FLT3: variants seen among roughly 807,000 people sequenced by gnomAD.
The protein encoded by FLT3 is fms related receptor tyrosine kinase 3, also known as receptor-type tyrosine-protein kinase FLT3.
In FLT3, 46 loss-of-function variants were observed where a neutral mutation model predicts 126.6. The ratio of observed to expected loss-of-function variants is 0.36; its 90% confidence interval spans 0.29 to 0.46. The LOEUF (loss-of-function observed/expected upper bound fraction) is 0.46, where lower values mean the gene tolerates loss of function less well. Among genes scored for constraint, FLT3 ranks in the 20% least tolerant of loss-of-function variants. FLT3 has a pLI of 1.00. For missense variants in FLT3, 1,069 were observed against 1,190.3 expected, an observed-to-expected ratio of 0.90 and a Z score of 1.50; for synonymous variants, 404 against 434.4, an observed-to-expected ratio of 0.93 and a Z score of 0.87.
chr13:28,034,027 G>C (rs2137673951), intron 14 of FLT3, 36 bp from the exon 15 acceptor site: 4 of 1,613,062 alleles, frequency 2.5e-6, no homozygotes, highest in Non-Finnish European at 3.4e-6. Flanking sequence ...GCATTTTAAA[G>C]ATTTTCCAAT....
chr13:28,028,415 A>G (rs1398161409), intron 15 of FLT3, 127 bp from the exon 16 acceptor site: 1 of 621,312 alleles, frequency 1.6e-6, no homozygotes, highest in East Asian at 2.8e-5. Flanking sequence ...TTATGAGAGA[A>G]GCCAGGCATG....
At position 28,018,593 on chromosome 13, in the gene FLT3, T is replaced by G. The variant is rs746969238; in HGVS notation, c.2419-4A>C. 1 of 1,614,028 alleles carries G rather than the reference T, an allele frequency of 6.2e-7. No homozygotes were observed. The highest frequency in any genetic ancestry group is 2.2e-5 in the East Asian group (1 of 44,880). ...CGGCCAGGTCTCTGTGAACACACTG[T>G]CAAGAATGACACCAGAGTGTTATTT... On this transcript the variant is annotated splice_region_variant and splice_polypyrimidine_tract_variant and intron_variant, in intron 19 of 23. Coordinates refer to ENST00000241453, the MANE Select transcript of FLT3 (RefSeq NM_004119.3).
chr13:28,063,695 A>AGTAAG, intron 2 of FLT3, among the ~76,000 whole-genome samples: 1 of 151,868 alleles, frequency 6.6e-6, no homozygotes, highest in East Asian at 1.9e-4. Context: ...TTGTTCACTT[A>AGTAAG]CTATGATAAG....
intron 2 of FLT3, among the ~76,000 whole-genome samples, chr13:28,066,460 G>A (rs1877047164): frequency 6.6e-6 from 1 of 152,146 alleles, no homozygotes; most frequent in Non-Finnish European, 1.5e-5. Context: ...AGATGAACCT[G>A]AACTATCTGG....
At chr13:28,068,015 G>A (rs549906894) in intron 2 of FLT3, 1 of 198,412 alleles carries the variant, frequency 5.0e-6, no homozygotes, top group African/African-American at 2.4e-5. Context: ...AACCATAGTG[G>A]AGACTTTTTG....
At chr13:28,055,436 A>C (rs539287280) in intron 4 of FLT3, among the ~76,000 whole-genome samples, 1 of 152,374 alleles carries the variant, frequency 6.6e-6, no homozygotes, top group South Asian at 2.1e-4. Flanking sequence ...ACTGAAATGA[A>C]TAAGCTTCTA....
chr13:28,063,221 G>A (rs958298716), intron 2 of FLT3, among the ~76,000 whole-genome samples: 2 of 152,180 alleles, frequency 1.3e-5, no homozygotes, highest in Non-Finnish European at 2.9e-5. Context: ...GCTCACGCCT[G>A]TAATTCCAGC....
At chr13:28,085,774 A>ATT (rs200900228) in intron 1 of FLT3, among the ~76,000 whole-genome samples, 32 of 150,764 alleles carry the variant, frequency 2.1e-4, no homozygotes, top group African/African-American at 7.9e-4. Context: ...TTAGAATGGG[A>ATT]TTTTTTTCCC....
At chr13:28,014,173 G>A (rs368365727) in intron 23 of FLT3, among the ~76,000 whole-genome samples, 50 of 152,224 alleles carry the variant, frequency 3.3e-4, no homozygotes, top group Non-Finnish European at 4.6e-4. Flanking sequence ...TTGGAAGGCC[G>A]TGGCTGGAGG....
chr13:28,048,207 C>T, intron 9 of FLT3, 68 bp downstream of exon 9: 1 of 1,294,252 alleles, frequency 7.7e-7, no homozygotes, highest in Non-Finnish European at 1.1e-6. Flanking sequence ...TAAAACTGTC[C>T]TTCTCAAGGG....
chr13:28,003,691 A>G lies in FLT3; in HGVS notation c.*361T>C, dbSNP rs998482418. On this transcript the variant is annotated 3_prime_UTR_variant, in exon 24 of 24. Coordinates refer to ENST00000241453, the MANE Select transcript of FLT3 (RefSeq NM_004119.3). ...AAAAATTTACATATTATTTTAAAAC[A>G]TAGACTTAAAAAATCATATTAGCTT... 23 of 263,380 alleles carry G rather than the reference A, an allele frequency of 8.7e-5. No individual in the cohort carries two copies. The highest frequency in any genetic ancestry group is 1.1e-3 in the Middle Eastern group (1 of 902). 16.3% of individuals were successfully genotyped at this position (263,380 alleles called of 1,614,324 possible).
intron 5 of FLT3, among the ~76,000 whole-genome samples, chr13:28,051,357 CT>C (rs1352236198): frequency 6.6e-6 from 1 of 151,440 alleles, no homozygotes; most frequent in African/African-American, 2.4e-5. Context: ...CTTCCTCAGC[CT>C]CCTGAGTAGC....
chr13:28,057,573 C>G, intron 3 of FLT3, 111 bp from the exon 4 acceptor site: 1 of 654,792 alleles, frequency 1.5e-6, no homozygotes, highest in Non-Finnish European at 2.8e-6. Context: ...CCGACTGGCA[C>G]GGAAGCCGCT....
chr13:28,028,615 T>A (rs1161868561), intron 15 of FLT3, among the ~76,000 whole-genome samples: 1 of 152,050 alleles, frequency 6.6e-6, no homozygotes, highest in Non-Finnish European at 1.5e-5. Context: ...GAGAATCGCT[T>A]GAATGTGGGA....
In FLT3 at chr13:28,100,475, C is replaced by T. The variant is rs536837435; in HGVS notation, c.36G>A (p.Pro12=). Residue 12 remains proline (P), a synonymous_variant, in exon 1 of 24, where the codon CCG becomes CCA. Coordinates refer to ENST00000241453, the MANE Select transcript of FLT3 (RefSeq NM_004119.3). The surrounding 1 kb of genome is among the most constrained non-coding windows in gnomAD (Gnocchi z 4.8). Reference sequence around the variant, plus strand: ...GAGCGAGCGGGGCCTTACCGAGCAGCGGCAGCTGGCCGCCGTCGCGCGCCA... The same window carrying T: ...GAGCGAGCGGGGCCTTACCGAGCAGTGGCAGCTGGCCGCCGTCGCGCGCCA... ...PALARDGGQL[P]LLVVFSAMIF... 99 of 1,217,492 alleles carry T rather than the reference C, an allele frequency of 8.1e-5. No homozygotes were observed. Among genetic ancestry groups the T allele is most frequent in the Non-Finnish European group, 1.0e-4 (98 of 978,926 alleles). 75.4% of individuals were successfully genotyped at this position (1,217,492 alleles called of 1,614,324 possible).
chr13:28,004,330 G>C (rs1305010676), intron 23 of FLT3, among the ~76,000 whole-genome samples, 156 bp from the exon 24 acceptor site: 1 of 152,134 alleles, frequency 6.6e-6, no homozygotes, highest in Non-Finnish European at 1.5e-5. Flanking sequence ...TTTTGAGACA[G>C]AGTCTCGCTC....
chr13:28,038,456 T>G (rs1246209612), intron 9 of FLT3, among the ~76,000 whole-genome samples: 2 of 152,122 alleles, frequency 1.3e-5, no homozygotes, highest in African/African-American at 4.8e-5. Flanking sequence ...CTGAAAGTTT[T>G]TTTTTTTTTT....
At chr13:28,049,955 CATA>C (rs1875284027) in intron 6 of FLT3, 137 bp downstream of exon 6, 2 of 1,144,154 alleles carry the variant, frequency 1.7e-6, no homozygotes, top group East Asian at 4.7e-5. Context: ...TTACAGAATC[CATA>C]ATATTGCATT....
In FLT3 at chr13:28,023,432, T is replaced by A. The variant is rs201232010; in HGVS notation, c.2336A>T (p.Asp779Val). The change falls in exon 19 of 24, where the codon GAC becomes GTC. Residue 779 changes from aspartate to valine, a missense_variant. Coordinates refer to ENST00000241453, the MANE Select transcript of FLT3 (RefSeq NM_004119.3). Reference sequence around the variant, plus strand: ...ATCTTCAAATGTAAGCACATTCAAGTCCTCCTCTTCTTCCAGCCTTTTTTG... The same window carrying A: ...ATCTTCAAATGTAAGCACATTCAAGACCTCCTCTTCTTCCAGCCTTTTTTG... ...ENQKRLEEEE[D>V]LNVLTFEDLL... 3.1e-6 allele frequency: 5 copies of A among 1,613,862 alleles called. No homozygotes were observed. In the Admixed American group the frequency reaches 6.7e-5, roughly 22 times the overall value.
Sources: gnomAD v4.1 joint callset for allele counts (sites outside exome capture counted in the v4.1 genomes callset) on GRCh38, gnomAD v4.1.1 for gene constraint, Gnocchi (gnomAD v3.1) non-coding constraint, MANE v1.5 for transcripts, NCBI Gene and HGNC (gene_info 2026-07-23, HGNC 2026-07-21) for gene names.